Variants in MCF2L observed in about 807,000 individuals in gnomAD.
MCF2L encodes the protein MCF.2 cell line derived transforming sequence like, also known as guanine nucleotide exchange factor DBS.
In MCF2L, 97 loss-of-function variants were observed where a neutral mutation model predicts 153.4. That is an observed-to-expected ratio of 0.63 (90% CI 0.54 to 0.75). MCF2L has a LOEUF of 0.75. Ranked by LOEUF, MCF2L falls within the 30% of genes least tolerant of loss-of-function variation. The pLI, the probability that MCF2L is intolerant of heterozygous loss-of-function variation, is 0.00. For missense variants in MCF2L, 1,347 were observed against 1,495.2 expected (o/e 0.90, Z 1.64); for synonymous variants, 659 against 632.2 (o/e 1.04, Z -0.64).
Position 113,087,746 on chromosome 13 carries a change from G to T in MCF2L, c.2635G>T (p.Ala879Ser). The T allele has an allele frequency of 6.2e-7, 1 of 1,614,124 alleles. No homozygotes were observed. The change falls in exon 23 of 30, where the codon GCT becomes TCT. Residue 879 changes from alanine to serine, a missense_variant. This residue lies in a region of MCF2L where 383 missense variants were observed against 335.4 expected (regional missense o/e 1.14). Transcript: ENST00000535094. The part of the protein sequence containing the change: ...VGITENVKGD[A>S]KKFEIWYNAR... ...CATTACGGAGAACGTGAAGGGAGAT[G>T]CTAAGAAGTTCGAGATCTGGTACAA...
rs1441182265 is a variant in MCF2L, at chr13:112,983,749, C to G, written c.79+14291C>G. Among the ~76,000 whole-genome samples the G allele has an allele frequency of 6.6e-6, 1 of 152,192 alleles. No homozygotes were observed. Among genetic ancestry groups the G allele is most frequent in the Admixed American group, 6.5e-5 (1 of 15,290 alleles). ...AGCGTGGTGTCTGCAGCCTCCTGGG[C>G]CTTCCCTTCTGCCTGGCTTCCTCCT... On this transcript the variant is annotated intron_variant, in intron 1 of 29. Coordinates refer to ENST00000535094, the MANE Select transcript of MCF2L (RefSeq NM_001112732.3). This position sits in a 1 kb window ranked among gnomAD's most constrained non-coding sequence, Gnocchi z 4.0.
intron 3 of MCF2L, among the ~76,000 whole-genome samples, chr13:113,025,982 C>T (rs72485691): frequency 2.7e-4 from 14 of 52,238 alleles, no homozygotes; most frequent in African/African-American, 3.7e-4. Flanking sequence ...GACTGTGGGT[C>T]GGGGCAGAGT....
rs111496436 is a variant in MCF2L, at chr13:112,983,715, C to A, written c.79+14257C>A. 8.6e-3 allele frequency among the ~76,000 whole-genome samples: 1,313 copies of A among 152,348 alleles called. 11 individuals are homozygous for A. Among genetic ancestry groups the A allele is most frequent in the Non-Finnish European group, 0.014 (957 of 68,034 alleles). ...ACTTCAGTGCTCTGACGCACTGTGG[C>A]CCCGGGGAAGCGTGGTGTCTGCAGC... On this transcript the variant is annotated intron_variant, in intron 1 of 29. Transcript: ENST00000535094. This position sits in a 1 kb window ranked among gnomAD's most constrained non-coding sequence, Gnocchi z 4.0.
chr13:113,005,220 A>C (rs1232567804), intron 1 of MCF2L, among the ~76,000 whole-genome samples: 1 of 152,226 alleles, frequency 6.6e-6, no homozygotes, highest in Non-Finnish European at 1.5e-5. Flanking sequence ...GAGCAAAATC[A>C]GCCACAGGCA....
intron 20 of MCF2L, among the ~76,000 whole-genome samples, chr13:113,085,446 G>A (rs915930940): frequency 3.3e-5 from 5 of 152,202 alleles, no homozygotes; most frequent in Admixed American, 6.5e-5. Flanking sequence ...GTGCTGACCC[G>A]TCCCTCCAGG....
intron 27 of MCF2L, chr13:113,094,986 T>C (rs956771458): frequency 2.2e-6 from 3 of 1,379,704 alleles, no homozygotes; most frequent in Non-Finnish European, 2.9e-6. Flanking sequence ...CCCAGCCTCC[T>C]GTAGAGCCCA....
intron 20 of MCF2L, among the ~76,000 whole-genome samples, chr13:113,085,526 A>G (rs1248695958): frequency 1.3e-5 from 2 of 152,192 alleles, no homozygotes; most frequent in African/African-American, 4.8e-5. Context: ...GATTCCAGCT[A>G]TGAGTTTGCC....
intron 13 of MCF2L, 70 bp downstream of exon 13, chr13:113,077,281 G>A (rs1422184698): frequency 7.0e-7 from 1 of 1,426,934 alleles, no homozygotes; most frequent in Non-Finnish European, 9.2e-7. Context: ...TGAGAGCTTG[G>A]TACATCTGAG....
At chr13:112,903,524 CTG>C (rs996987722) in intron 2 of MCF2L, among the ~76,000 whole-genome samples, 6 of 152,180 alleles carry the variant, frequency 3.9e-5, no homozygotes, top group Admixed American at 3.3e-4. Flanking sequence ...TGCCGAGTGT[CTG>C]TGGTTCCCTG....
chr13:112,998,014 A>G (rs1409748044), intron 1 of MCF2L, among the ~76,000 whole-genome samples: 1 of 152,182 alleles, frequency 6.6e-6, no homozygotes, highest in Non-Finnish European at 1.5e-5. Flanking sequence ...GCGTGAGCCC[A>G]TGTGTGCGGG....
intron 2 of MCF2L, among the ~76,000 whole-genome samples, chr13:112,934,205 ACTGT>A (rs1229905732): frequency 2.6e-5 from 4 of 152,216 alleles, no homozygotes; most frequent in Non-Finnish European, 5.9e-5. Flanking sequence ...CAGGAATGTG[ACTGT>A]CACCATATGC....
At chr13:112,925,714 C>T (rs186075337) in intron 2 of MCF2L, among the ~76,000 whole-genome samples, 1 of 152,160 alleles carries the variant, frequency 6.6e-6, no homozygotes, top group Admixed American at 6.5e-5. Context: ...TTTAGCTGAC[C>T]TGGGCAGTGG....
At chr13:112,944,415 G>C (rs1261048479) in intron 2 of MCF2L, among the ~76,000 whole-genome samples, 1 of 152,084 alleles carries the variant, frequency 6.6e-6, no homozygotes, top group Non-Finnish European at 1.5e-5. Context: ...GCTCCATCTG[G>C]CCTGGGTGAA....
At chr13:112,920,505 A>G (rs945093201) in intron 2 of MCF2L, among the ~76,000 whole-genome samples, 2 of 152,126 alleles carry the variant, frequency 1.3e-5, no homozygotes, top group African/African-American at 4.8e-5. Flanking sequence ...CCATCTGTTG[A>G]AACTAGATGC....
chr13:113,083,915 T>C, intron 17 of MCF2L, 83 bp from the exon 18 acceptor site: 1 of 1,026,058 alleles, frequency 9.7e-7, no homozygotes, highest in Non-Finnish European at 1.6e-6. Flanking sequence ...AACAGGCTTC[T>C]GAAAAATGAC....
chr13:113,072,569 T>TA (rs1223724148), intron 9 of MCF2L, among the ~76,000 whole-genome samples: 1 of 152,234 alleles, frequency 6.6e-6, no homozygotes, highest in Non-Finnish European at 1.5e-5. Flanking sequence ...CCTTAATAGT[T>TA]ACGCAACTAT....
At chr13:112,981,695 C>A (rs964812642) in intron 1 of MCF2L, among the ~76,000 whole-genome samples, 2 of 152,242 alleles carry the variant, frequency 1.3e-5, no homozygotes, top group Non-Finnish European at 2.9e-5. Flanking sequence ...GAGGCACAGG[C>A]AGGGGGACGC....
intron 26 of MCF2L, among the ~76,000 whole-genome samples, chr13:113,091,672 C>T (rs1413858701): frequency 1.3e-5 from 2 of 151,954 alleles, no homozygotes; most frequent in Non-Finnish European, 2.9e-5. Context: ...CCCTGTCCGA[C>T]CCGGACCCTC....
chr13:113,007,616 G>A (rs911366286), intron 1 of MCF2L, among the ~76,000 whole-genome samples: 7 of 152,254 alleles, frequency 4.6e-5, no homozygotes, highest in Admixed American at 1.3e-4. Context: ...AGTGAAACAC[G>A]CAGTGCGGGG....
Sources: gnomAD v4.1 joint callset for allele counts (sites outside exome capture counted in the v4.1 genomes callset) on GRCh38, gnomAD v4.1.1 for gene constraint, gnomAD v4.1.1 regional missense constraint, Gnocchi (gnomAD v3.1) non-coding constraint, MANE v1.5 for transcripts, NCBI Gene and HGNC (gene_info 2026-07-23, HGNC 2026-07-21) for gene names.